LIG1: variants seen among roughly 807,000 people sequenced by gnomAD.
LIG1 encodes the protein ligase I, DNA, ATP-dependent.
A neutral mutation model predicts 115.7 loss-of-function variants in LIG1; 70 were observed. The observed-to-expected ratio is 0.60, with a 90% CI of 0.50 to 0.74. LIG1 has a LOEUF of 0.74. LIG1 is among the 30% of genes least tolerant of loss of function. The pLI is 0.00. For synonymous variants in LIG1, 487 were observed against 495.3 expected (o/e 0.98, Z 0.22); for missense variants, 1,115 against 1,225.6 (o/e 0.91, Z 1.35).
chr19:48,122,631 A>G lies in LIG1; in HGVS notation c.2232+303T>C, dbSNP rs2033368602. Among the ~76,000 whole-genome samples the G allele has an allele frequency of 1.3e-5, 2 of 152,304 alleles. No homozygotes were observed. Among genetic ancestry groups the G allele is most frequent in the African/African-American group, 4.8e-5 (2 of 41,576 alleles). The stretch of plus-strand genomic sequence containing the variant: ...CTTTCTCTTATTCATGTCCTGGCTT[A>G]ATTCCTGCCCAAGAGCCTGGCCCGA... On this transcript the variant is annotated intron_variant, in intron 23 of 27. Coordinates refer to ENST00000263274, the MANE Select transcript of LIG1 (RefSeq NM_000234.3). This position sits in a 1 kb window ranked among gnomAD's most constrained non-coding sequence, Gnocchi z 4.3.
intron 17 of LIG1, 47 bp downstream of exon 17, chr19:48,133,934 G>A (rs963107321): frequency 2.4e-5 from 36 of 1,491,318 alleles, no homozygotes; most frequent in Non-Finnish European, 3.1e-5. Context: ...CGACTCAGGA[G>A]GGAGCAGGGC....
intron 1 of LIG1, among the ~76,000 whole-genome samples, chr19:48,169,145 A>G (rs2036631929): frequency 6.6e-6 from 1 of 152,212 alleles, no homozygotes; most frequent in Non-Finnish European, 1.5e-5. Flanking sequence ...TTACATAACA[A>G]TCTCCGAATG....
intron 11 of LIG1, among the ~76,000 whole-genome samples, chr19:48,142,068 G>A (rs2034794477): frequency 6.6e-6 from 1 of 152,124 alleles, no homozygotes; most frequent in African/African-American, 2.4e-5. Context: ...TTGGGAGGCC[G>A]AGGCGGGCCG....
chr19:48,137,737 G>A lies in LIG1; in HGVS notation c.1088-49C>T. The A allele has an allele frequency of 6.3e-7, 1 of 1,594,408 alleles. No individual in the cohort carries two copies. Among genetic ancestry groups the A allele is most frequent in the Non-Finnish European group, 8.5e-7 (1 of 1,176,378 alleles). On this transcript the variant is annotated intron_variant, in intron 12 of 27. Transcript: ENST00000263274. The surrounding 1 kb of genome is among the most constrained non-coding windows in gnomAD (Gnocchi z 4.3). Reference sequence around the variant, plus strand: ...GGTGTCGAGGGTGACAGTTGTGGCTGCGTGTCTCCCTTCTCTCGCGGCCTG... The same window carrying A: ...GGTGTCGAGGGTGACAGTTGTGGCTACGTGTCTCCCTTCTCTCGCGGCCTG...
chr19:48,115,890 C>T lies in LIG1; in HGVS notation c.2659G>A (p.Ala887Thr). ...GACCTCACCTGAGCACTGGTGGTGG[C>T]CTGCTCCGGCTGCTTGTCTTCACGG... ...RVREDKQPEQ[A>T]TTSAQVACLY... is the part of the protein sequence containing the mutation. Residue 887 changes from alanine to threonine, a missense_variant, in exon 27 of 28, where the codon GCC becomes ACC. Coordinates refer to ENST00000263274, the MANE Select transcript of LIG1 (RefSeq NM_000234.3). The T allele has an allele frequency of 6.2e-7, 1 of 1,613,880 alleles. No homozygotes were observed. Among genetic ancestry groups the T allele is most frequent in the East Asian group, 2.2e-5 (1 of 44,868 alleles).
In LIG1 at chr19:48,151,236, G is replaced by A. The variant is rs757964065; in HGVS notation, c.570C>T (p.Thr190=). 4 of 1,609,058 alleles carry A rather than the reference G, an allele frequency of 2.5e-6. No individual in the cohort carries two copies. The highest frequency in any genetic ancestry group is 3.3e-4 in the Middle Eastern group (2 of 6,050). The change falls in exon 7 of 28, where the codon ACC becomes ACT. Residue 190 remains threonine (T), a synonymous_variant. Transcript: ENST00000263274. ...AGGAGAGGACCAGAAACTCACTGGAGGTCTTTAGGGGCTTGGGAGGCGTGG... is the reference window on the plus strand; with the variant it reads ...AGGAGAGGACCAGAAACTCACTGGAAGTCTTTAGGGGCTTGGGAGGCGTGG... The part of the protein sequence containing the change: ...QPTTPPKPLK[T]SKAETPTESV...
intron 24 of LIG1, chr19:48,120,292 A>T (rs1457947156): frequency 2.0e-6 from 2 of 985,440 alleles, no homozygotes; most frequent in Non-Finnish European, 1.2e-6. Flanking sequence ...TCCTGTTGCC[A>T]TATTGCTTAA....
At chr19:48,163,958 A>C (rs1373426497) in intron 2 of LIG1, among the ~76,000 whole-genome samples, 1 of 151,764 alleles carries the variant, frequency 6.6e-6, no homozygotes, top group East Asian at 1.9e-4. Flanking sequence ...AAAAAAAAAA[A>C]AAAAAATGTT....
At chr19:48,125,504 G>GA (rs66525371) in intron 21 of LIG1, among the ~76,000 whole-genome samples, 11 of 152,040 alleles carry the variant, frequency 7.2e-5, no homozygotes, top group African/African-American at 2.7e-4. Flanking sequence ...GCCTAACGGA[G>GA]AAAAAACGTT....
In LIG1 at chr19:48,122,867, C is replaced by T. The variant is rs1271792949; in HGVS notation, c.2232+67G>A. On this transcript the variant is annotated intron_variant, in intron 23 of 27. Coordinates refer to ENST00000263274, the MANE Select transcript of LIG1 (RefSeq NM_000234.3). This position sits in a 1 kb window ranked among gnomAD's most constrained non-coding sequence, Gnocchi z 4.3. ...GGGTACACAGTGGAGGCTCGAAATC[C>T]ACTGCCTAGCTGGGACAGACCTCCA... The T allele has an allele frequency of 1.4e-6, 2 of 1,442,082 alleles. No individual in the cohort carries two copies. Among genetic ancestry groups the T allele is most frequent in the Non-Finnish European group, 2.0e-6 (2 of 1,023,460 alleles). The allele number at this position is 1,442,082 out of a possible 1,614,324, so 89.3% of individuals were successfully genotyped here. A position where few individuals can be genotyped will look rare whatever the true frequency, so the allele number is the denominator to read the frequency against.
chr19:48,123,781 A>G (rs1001073622), intron 21 of LIG1, among the ~76,000 whole-genome samples: 4 of 150,346 alleles, frequency 2.7e-5, no homozygotes, highest in Non-Finnish European at 5.9e-5. Context: ...CAAGAGATCC[A>G]CCCACCTCAG....
intron 11 of LIG1, among the ~76,000 whole-genome samples, chr19:48,141,352 G>A (rs1422863929): frequency 6.6e-6 from 1 of 152,074 alleles, no homozygotes. Context: ...GGCTGGTCTC[G>A]AACTCCTGAC....
At chr19:48,126,309 T>C (rs2033664327) in intron 21 of LIG1, among the ~76,000 whole-genome samples, 1 of 151,418 alleles carries the variant, frequency 6.6e-6, no homozygotes, top group African/African-American at 2.4e-5. Flanking sequence ...TTTAACACTC[T>C]TAAAAATTAT....
At position 48,135,764 on chromosome 19, in the gene LIG1, A is replaced by C. The variant is rs1380036216; in HGVS notation, c.1439T>G (p.Met480Arg). 3 of 1,613,656 alleles carry C rather than the reference A, an allele frequency of 1.9e-6. No homozygotes were observed. The highest frequency in any genetic ancestry group is 2.5e-6 in the Non-Finnish European group (3 of 1,179,632). The change falls in exon 16 of 28, where the codon ATG (methionine) becomes AGG (arginine). Residue 480 changes from methionine (M) to arginine (R), a missense_variant. Transcript: ENST00000263274. Reference sequence around the variant, plus strand: ...TGTCTTGCCCTTCCCAGCATCCACCATGGCTGGTGGGAATTCTAAGAAAAG... The same window carrying C: ...TGTCTTGCCCTTCCCAGCATCCACCCTGGCTGGTGGGAATTCTAAGAAAAG... ...TPPGQEFPPA[M>R]VDAGKGKTAE...
chr19:48,120,700 C>A, intron 24 of LIG1: 1 of 397,894 alleles, frequency 2.5e-6, no homozygotes, highest in Non-Finnish European at 3.4e-6. Context: ...AGGGTCCAAC[C>A]CCCTTTGCTC....
intron 4 of LIG1, chr19:48,161,072 G>C (rs1205976577): frequency 4.5e-6 from 2 of 446,916 alleles, no homozygotes; most frequent in African/African-American, 4.0e-5. Flanking sequence ...ATTATTCTCA[G>C]ATCTGTATGT....
rs939735617 is a variant in LIG1 at position 48,136,070 on chromosome 19, G to A, written c.1387C>T (p.Leu463Phe). 1 of 1,572,378 alleles carries A rather than the reference G, an allele frequency of 6.4e-7. No homozygotes were observed. Among genetic ancestry groups the A allele is most frequent in the Non-Finnish European group, 8.6e-7 (1 of 1,159,360 alleles). ...GGCGTGAGGCTCACTGCCTGGGAGA[G>A]GGCAGCCAGCACCGACTGCTCTGCC... ...GLAEQSVLAA[L>F]SQAVSLTPPG... The change falls in exon 15 of 28, where the codon CTC becomes TTC. Residue 463 changes from leucine to phenylalanine, a missense_variant. Physicochemically the swap from Leu to Phe is conservative, Grantham distance 22. Coordinates refer to ENST00000263274, the MANE Select transcript of LIG1 (RefSeq NM_000234.3).
At chr19:48,120,506 G>A (rs940503585) in intron 24 of LIG1, 1 of 984,902 alleles carries the variant, frequency 1.0e-6, no homozygotes, top group African/African-American at 1.7e-5. Flanking sequence ...TTGGAGAGGG[G>A]AATATAGGAA....
At chr19:48,152,788 G>A (rs954892386) in intron 6 of LIG1, among the ~76,000 whole-genome samples, 1 of 152,128 alleles carries the variant, frequency 6.6e-6, no homozygotes, top group African/African-American at 2.4e-5. Context: ...ATCAAGTACT[G>A]TACAAAAATC....
Sources: gnomAD v4.1 joint callset for allele counts (sites outside exome capture counted in the v4.1 genomes callset) on GRCh38, gnomAD v4.1.1 for gene constraint, Gnocchi (gnomAD v3.1) non-coding constraint, MANE v1.5 for transcripts, NCBI Gene and HGNC (gene_info 2026-07-23, HGNC 2026-07-21) for gene names.